Variants in STARD6 observed in about 807,000 individuals in gnomAD.
STARD6 encodes stAR-related lipid transfer protein 6.
A neutral mutation model predicts 22.3 loss-of-function variants in STARD6; 21 were observed. The observed-to-expected ratio is 0.94, with a 90% CI of 0.67 to 1.35. The LOEUF is 1.35. Among genes scored for constraint, STARD6 ranks in the 40% most tolerant of loss-of-function variants. STARD6 has a pLI of 0.00. For missense variants in STARD6, 269 were observed against 266.9 expected, an observed-to-expected ratio of 1.01 and a Z score of -0.05; for synonymous variants, 80 against 88.1, an observed-to-expected ratio of 0.91 and a Z score of 0.52.
chr18:54,340,803 C>CTGTA, intron 4 of STARD6, among the ~76,000 whole-genome samples: 1 of 152,294 alleles, frequency 6.6e-6, no homozygotes, highest in East Asian at 1.9e-4. Context: ...AAGATACACC[C>CTGTA]TGTAAATGGA....
rs1438655409 is a variant in STARD6 at position 54,331,643 on chromosome 18, ATAATTAAAATATAAT to A, written c.385+84_385+98del. ...CCCACTAAGTAAATTTAAAAAGGAA[ATAATTAAAATATAAT>A]TTCTTTGAAGCTGTGAATAAAGGGA... On this transcript the variant is annotated intron_variant, in intron 6 of 7. Transcript: ENST00000307844. 3 of 833,876 alleles carry A rather than the reference ATAATTAAAATATAAT, an allele frequency of 3.6e-6. No homozygotes were observed. The African/African-American group carries it at 5.2e-5, about 14-fold the overall frequency. The allele number at this position is 833,876 out of a possible 1,614,324, so 51.7% of individuals were successfully genotyped here. A position where few individuals can be genotyped will look rare whatever the true frequency, so the allele number is the denominator to read the frequency against.
intron 7 of STARD6, among the ~76,000 whole-genome samples, chr18:54,326,202 A>G (rs2088823332): frequency 6.6e-6 from 1 of 152,096 alleles, no homozygotes; most frequent in African/African-American, 2.4e-5. Context: ...GTATATAAAA[A>G]TCTTTGAGAT....
chr18:54,324,932 CTT>C, intron 7 of STARD6, 57 bp from the exon 8 acceptor site: 7 of 1,390,458 alleles, frequency 5.0e-6, no homozygotes, highest in East Asian at 2.6e-5. Flanking sequence ...TAACTACTGA[CTT>C]TACAGGTTTT....
chr18:54,330,693 C>T (rs1477759530), intron 6 of STARD6, among the ~76,000 whole-genome samples: 1 of 152,044 alleles, frequency 6.6e-6, no homozygotes, highest in African/African-American at 2.4e-5. Context: ...GTGATTTGTG[C>T]ACCACGTGGT....
chr18:54,331,881 A>G, intron 5 of STARD6, 22 bp from the exon 6 acceptor site: 3 of 1,503,362 alleles, frequency 2.0e-6, no homozygotes, highest in Non-Finnish European at 2.8e-6. Context: ...CAAACCGTAA[A>G]GATAACAAAC....
At chr18:54,329,584 A>C in intron 6 of STARD6, 144 bp from the exon 7 acceptor site, 1 of 577,914 alleles carries the variant, frequency 1.7e-6, no homozygotes, top group Non-Finnish European at 2.8e-6. Flanking sequence ...GTATTTGCAC[A>C]TGTGAAGCCA....
At chr18:54,328,460 A>G (rs1156589230) in intron 7 of STARD6, among the ~76,000 whole-genome samples, 1 of 152,208 alleles carries the variant, frequency 6.6e-6, no homozygotes, top group Non-Finnish European at 1.5e-5. Flanking sequence ...AGTCTTGGCC[A>G]TAGATTCAAA....
intron 4 of STARD6, among the ~76,000 whole-genome samples, chr18:54,353,667 A>G (rs989566376): frequency 7.2e-5 from 11 of 152,230 alleles, no homozygotes; most frequent in African/African-American, 2.7e-4. Context: ...TCAAGAAAAT[A>G]AAATAAAATG....
chr18:54,354,139 G>A (rs1289319121), intron 3 of STARD6, 36 bp from the exon 4 acceptor site: 1 of 1,317,300 alleles, frequency 7.6e-7, no homozygotes, highest in Non-Finnish European at 1.1e-6. Flanking sequence ...ATAATTAGCT[G>A]TCAAATGCAG....
intron 6 of STARD6, among the ~76,000 whole-genome samples, chr18:54,331,167 T>TA (rs1203387482): frequency 6.6e-6 from 1 of 152,150 alleles, no homozygotes; most frequent in Non-Finnish European, 1.5e-5. Context: ...TGAGTTATCT[T>TA]AAGTTATCTG....
chr18:54,331,193 A>G (rs768374253), intron 6 of STARD6, among the ~76,000 whole-genome samples: 1 of 152,156 alleles, frequency 6.6e-6, no homozygotes, highest in Non-Finnish European at 1.5e-5. Flanking sequence ...ATAGATCTGT[A>G]TGGTATGAAA....
intron 5 of STARD6, among the ~76,000 whole-genome samples, chr18:54,335,028 T>A (rs989755186): frequency 1.3e-5 from 2 of 152,106 alleles, no homozygotes; most frequent in Admixed American, 1.3e-4. Context: ...AACATCAGTC[T>A]GGAAGAGTAT....
chr18:54,338,722 G>A (rs1002242480), intron 4 of STARD6, among the ~76,000 whole-genome samples: 29 of 151,908 alleles, frequency 1.9e-4, no homozygotes, highest in Non-Finnish European at 3.4e-4. Flanking sequence ...TACATTTTAG[G>A]AGGCCTTATC....
intron 7 of STARD6, among the ~76,000 whole-genome samples, chr18:54,327,805 GT>G (rs2088836274): frequency 2.0e-5 from 3 of 151,662 alleles, no homozygotes; most frequent in African/African-American, 7.3e-5. Flanking sequence ...TCTATGCAGG[GT>G]TTATACTATT....
At chr18:54,326,164 C>G (rs1000404882) in intron 7 of STARD6, among the ~76,000 whole-genome samples, 5 of 152,084 alleles carry the variant, frequency 3.3e-5, no homozygotes, top group Non-Finnish European at 7.4e-5. Flanking sequence ...GTTATCCACA[C>G]TAAGTGGTAC....
At chr18:54,356,151 C>T (rs1207115704) in intron 2 of STARD6, among the ~76,000 whole-genome samples, 3 of 152,196 alleles carry the variant, frequency 2.0e-5, no homozygotes, top group African/African-American at 7.2e-5. Context: ...CTTCCTTAAG[C>T]ACTTAAATAA....
chr18:54,331,485 G>A (rs533985022), intron 6 of STARD6, among the ~76,000 whole-genome samples: 2 of 152,186 alleles, frequency 1.3e-5, no homozygotes, highest in Admixed American at 6.5e-5. Flanking sequence ...TAGGCTACAA[G>A]TATCTATCTA....
At chr18:54,351,344 A>G (rs921723297) in intron 4 of STARD6, among the ~76,000 whole-genome samples, 3 of 152,112 alleles carry the variant, frequency 2.0e-5, no homozygotes, top group African/African-American at 7.2e-5. Flanking sequence ...AACTTTATTC[A>G]CTTATCAGAT....
chr18:54,341,284 C>G (rs1228557579), intron 4 of STARD6, among the ~76,000 whole-genome samples: 1 of 152,176 alleles, frequency 6.6e-6, no homozygotes, highest in East Asian at 1.9e-4. Flanking sequence ...TGGTCTCGAT[C>G]TCCCGACCTC....
Sources: gnomAD v4.1 joint callset for allele counts (sites outside exome capture counted in the v4.1 genomes callset) on GRCh38, gnomAD v4.1.1 for gene constraint, MANE v1.5 for transcripts, NCBI Gene and HGNC (gene_info 2026-07-23, HGNC 2026-07-21) for gene names.